WLS: variants seen among roughly 807,000 people sequenced by gnomAD.
The protein encoded by WLS is protein wntless homolog.
A neutral mutation model predicts 62.8 loss-of-function variants in WLS; 23 were observed. That is an observed-to-expected ratio of 0.37 (90% CI 0.26 to 0.52). The LOEUF (loss-of-function observed/expected upper bound fraction) is 0.52, where lower values mean the gene tolerates loss of function less well. Among genes scored for constraint, WLS ranks in the 20% least tolerant of loss-of-function variants. The pLI is 0.92. For missense variants in WLS, 615 were observed against 697.3 expected (o/e 0.88, Z 1.33); for synonymous variants, 246 against 244.1 (o/e 1.01, Z -0.07).
At chr1:68,114,295 G>A (rs192671452) in intron 11 of WLS, among the ~76,000 whole-genome samples, 167 of 152,276 alleles carry the variant, frequency 1.1e-3, no homozygotes, top group Non-Finnish European at 2.0e-3. Flanking sequence ...GGCATAAGGA[G>A]GATATATACA....
At chr1:68,117,514 C>A (rs748763978) in intron 11 of WLS, 2 of 152,294 alleles carry the variant, frequency 1.3e-5, no homozygotes, top group African/African-American at 4.8e-5. Flanking sequence ...GCCCCAGACA[C>A]CTTTCCTCTG....
intron 11 of WLS, among the ~76,000 whole-genome samples, chr1:68,115,900 T>G (rs1041029626): frequency 6.7e-6 from 1 of 148,248 alleles, no homozygotes; most frequent in Non-Finnish European, 1.5e-5. Flanking sequence ...TCCACTAGTC[T>G]TCCACCCTCT....
At chr1:68,146,533 TG>T (rs2100453896) in intron 8 of WLS, among the ~76,000 whole-genome samples, 1 of 152,236 alleles carries the variant, frequency 6.6e-6, no homozygotes, top group South Asian at 2.1e-4. Context: ...GGCTAGTCCT[TG>T]GAGTTTTATA....
At chr1:68,117,000 T>C (rs1646301258) in intron 11 of WLS, among the ~76,000 whole-genome samples, 1 of 152,222 alleles carries the variant, frequency 6.6e-6, no homozygotes, top group South Asian at 2.1e-4. Context: ...TTGTGCAGGT[T>C]AGAATGATTG....
At chr1:68,146,074 C>T (rs889023877) in intron 8 of WLS, 62 bp from the exon 9 acceptor site, 2 of 1,580,456 alleles carry the variant, frequency 1.3e-6, no homozygotes, top group Admixed American at 1.8e-5. Context: ...CGGGTCCAGG[C>T]CCTTCTCCCC....
intron 2 of WLS, among the ~76,000 whole-genome samples, chr1:68,180,717 G>A (rs1647515714): frequency 6.6e-6 from 1 of 151,228 alleles, no homozygotes; most frequent in Non-Finnish European, 1.5e-5. Context: ...ATGGCCCCCT[G>A]GTGTCCCAAC....
intron 11 of WLS, among the ~76,000 whole-genome samples, chr1:68,135,491 C>T (rs898567018): frequency 1.3e-5 from 2 of 152,002 alleles, no homozygotes; most frequent in African/African-American, 4.8e-5. Flanking sequence ...TTTAGGAGAT[C>T]ACTTACATTT....
At chr1:68,226,772 G>A (rs908642626) in intron 1 of WLS, among the ~76,000 whole-genome samples, 2 of 152,096 alleles carry the variant, frequency 1.3e-5, no homozygotes, top group African/African-American at 2.4e-5. Flanking sequence ...TGCAAATCAG[G>A]CAAGTAGCAC....
At chr1:68,122,868 G>A (rs1646380640), downstream of WLS, among the ~76,000 whole-genome samples, 1 of 152,256 alleles carries the variant, frequency 6.6e-6, no homozygotes, top group East Asian at 1.9e-4. Context: ...GGGACATACT[G>A]CAACCCCTCT....
chr1:68,174,026 C>T (rs1385516937), intron 2 of WLS, among the ~76,000 whole-genome samples: 4 of 152,170 alleles, frequency 2.6e-5, no homozygotes, highest in Non-Finnish European at 5.9e-5. Flanking sequence ...TCTTTCCCTC[C>T]CTTCAGTCCT....
At chr1:68,107,520 C>CGAG (rs1429025707) in intron 11 of WLS, among the ~76,000 whole-genome samples, 2 of 152,176 alleles carry the variant, frequency 1.3e-5, no homozygotes, top group Admixed American at 6.5e-5. Flanking sequence ...TCAGTATCCT[C>CGAG]ATCTGCAATA....
At chr1:68,232,070 A>G in intron 1 of WLS, 124 bp downstream of exon 1, 2 of 1,326,764 alleles carry the variant, frequency 1.5e-6, no homozygotes, top group South Asian at 2.7e-5. Flanking sequence ...CTTAAGCACA[A>G]TAGCCGGACT....
At chr1:68,100,703 A>G (rs560705794) in intron 11 of WLS, 4 of 152,308 alleles carry the variant, frequency 2.6e-5, no homozygotes, top group East Asian at 3.9e-4. Context: ...AACAGAGATC[A>G]TAAGGCTGTC....
chr1:68,136,861 G>C (rs1445380517), intron 11 of WLS, among the ~76,000 whole-genome samples: 1 of 152,214 alleles, frequency 6.6e-6, no homozygotes, highest in Non-Finnish European at 1.5e-5. Context: ...CCTTGGCTCT[G>C]GGGGGCTGCT....
intron 2 of WLS, among the ~76,000 whole-genome samples, chr1:68,159,537 C>T (rs1646944370): frequency 6.6e-6 from 1 of 152,334 alleles, no homozygotes; most frequent in South Asian, 2.1e-4. Context: ...AGACCTCATC[C>T]TCCCATAACT....
At chr1:68,227,142 C>A (rs1188796838) in intron 1 of WLS, among the ~76,000 whole-genome samples, 1 of 152,152 alleles carries the variant, frequency 6.6e-6, no homozygotes, top group African/African-American at 2.4e-5. Flanking sequence ...GCCTGTAATC[C>A]CAGCACTTTG....
intron 7 of WLS, 125 bp from the exon 8 acceptor site, chr1:68,148,324 TAC>T (rs1646779731): frequency 3.8e-6 from 4 of 1,062,960 alleles, no homozygotes; most frequent in Non-Finnish European, 4.2e-6. Context: ...TAAAAAACAT[TAC>T]AGAAATCCTA....
rs535967852 is a variant in WLS at position 68,109,323 on chromosome 1, G to A, written c.1511-10570C>T. 5.9e-5 allele frequency among the ~76,000 whole-genome samples: 9 copies of A among 152,310 alleles called. No homozygotes were observed. The East Asian group carries it at 1.5e-3, about 26-fold the overall frequency. On this transcript the variant is annotated intron_variant, in intron 11 of 11. Coordinates refer to the WLS transcript ENST00000354777. ...CCTCAATTTGGGTCCTTAGATTTCC[G>A]TGGATTAAGCAACAATATATGAGCA...
At chr1:68,105,804 C>T (rs143396633) in intron 11 of WLS, among the ~76,000 whole-genome samples, 21 of 152,204 alleles carry the variant, frequency 1.4e-4, no homozygotes, top group Admixed American at 4.6e-4. Flanking sequence ...TCTGGGGCTG[C>T]ATCCAGGGAA....
Sources: gnomAD v4.1 joint callset for allele counts (sites outside exome capture counted in the v4.1 genomes callset) on GRCh38, gnomAD v4.1.1 for gene constraint, MANE v1.5 for transcripts, NCBI Gene and HGNC (gene_info 2026-07-23, HGNC 2026-07-21) for gene names.